Variants in SYT2 observed in about 807,000 individuals in gnomAD.
SYT2 encodes the protein synaptotagmin-2.
Under a neutral mutation model 39.9 loss-of-function variants are expected in SYT2, and 15 were observed. The observed-to-expected ratio is 0.38, with a 90% CI of 0.25 to 0.58. The LOEUF (loss-of-function observed/expected upper bound fraction) is 0.58, where lower values mean the gene tolerates loss of function less well. Ranked by LOEUF, SYT2 falls within the 20% of genes least tolerant of loss-of-function variation. The pLI is 0.70. For missense variants in SYT2, 389 were observed against 530.3 expected (o/e 0.73, Z 2.62); for synonymous variants, 181 against 204.5 (o/e 0.89, Z 0.98).
At position 202,601,792 on chromosome 1, in the gene SYT2, C is replaced by T; in HGVS notation, c.801+98G>A. The T allele has an allele frequency of 3.0e-6, 4 of 1,333,768 alleles. No homozygotes were observed. Among genetic ancestry groups the T allele is most frequent in the Non-Finnish European group, 4.2e-6 (4 of 958,396 alleles). The allele number at this position is 1,333,768 out of a possible 1,614,324, so 82.6% of individuals were successfully genotyped here. On this transcript the variant is annotated intron_variant, in intron 6 of 8. Coordinates refer to ENST00000367268, the MANE Select transcript of SYT2 (RefSeq NM_177402.5). The surrounding 1 kb of genome is among the most constrained non-coding windows in gnomAD (Gnocchi z 4.0). ...GAGCTGGGATCCTAACACAGGTCGT[C>T]TGCCTCCAAAGCCCACCCTGTTTCC... is the stretch of plus-strand genomic sequence containing the variant.
intron 1 of SYT2, among the ~76,000 whole-genome samples, chr1:202,629,083 C>T (rs1346889847): frequency 1.3e-5 from 2 of 152,362 alleles, no homozygotes; most frequent in Non-Finnish European, 1.5e-5. Flanking sequence ...GGGATGGCTC[C>T]AGTGGAGAGG....
chr1:202,593,545 T>C lies in SYT2; in HGVS notation c.*3212A>G, dbSNP rs932158092. 1.3e-5 allele frequency: 2 copies of C among 152,180 alleles called. No homozygotes were observed. The highest frequency in any genetic ancestry group is 2.9e-5 in the Non-Finnish European group (2 of 68,042). The allele number at this position is 152,180 out of a possible 1,614,324, so 9.4% of individuals were successfully genotyped here. A position where few individuals can be genotyped will look rare whatever the true frequency, so the allele number is the denominator to read the frequency against. ...TGGCCTAATCCCTGCTATCTCATCCTCTACTGAGGGACTCCAGGAAAGTCA... is the reference window on the plus strand; with the variant it reads ...TGGCCTAATCCCTGCTATCTCATCCCCTACTGAGGGACTCCAGGAAAGTCA... On this transcript the variant is annotated 3_prime_UTR_variant, in exon 9 of 9. Transcript: ENST00000367268.
intron 1 of SYT2, among the ~76,000 whole-genome samples, chr1:202,615,446 A>C (rs1449815847): frequency 6.6e-6 from 1 of 152,092 alleles, no homozygotes; most frequent in Non-Finnish European, 1.5e-5. Flanking sequence ...AGGTGTCTGC[A>C]AACTCATCAA....
At chr1:202,624,548 GGTGTGTGTGGTGTTTAGTA>G (rs1558435591) in intron 1 of SYT2, among the ~76,000 whole-genome samples, 2 of 125,740 alleles carry the variant, frequency 1.6e-5, no homozygotes, top group African/African-American at 3.8e-5. Context: ...GGATGTGTGT[GGTGTGTGTGGTGTTTAGTA>G]GTGTGTGTGG....
intron 2 of SYT2, 83 bp downstream of exon 2, chr1:202,605,510 TCA>T: frequency 7.6e-7 from 1 of 1,319,230 alleles, no homozygotes; most frequent in Non-Finnish European, 1.1e-6. Flanking sequence ...GCCCAGCCAA[TCA>T]CATCCCAGTG....
rs1690220173 is a variant in SYT2, at chr1:202,594,420, A to G, written c.*2337T>C. 6.6e-6 allele frequency: 1 copy of G among 152,234 alleles called. No individual in the cohort carries two copies. Among genetic ancestry groups the G allele is most frequent in the Non-Finnish European group, 1.5e-5 (1 of 68,044 alleles). 9.4% of individuals were successfully genotyped at this position (152,234 alleles called of 1,614,324 possible). A position where few individuals can be genotyped will look rare whatever the true frequency, so the allele number is the denominator to read the frequency against. ...GGAAAGGGCAAAGGAGTAAAGGTAG[A>G]GGGGATATTGACAAGGGGGTCTCCA... is the stretch of plus-strand genomic sequence containing the variant. On this transcript the variant is annotated 3_prime_UTR_variant, in exon 9 of 9. Coordinates refer to ENST00000367268, the MANE Select transcript of SYT2 (RefSeq NM_177402.5).
chr1:202,616,248 C>T (rs969802061), intron 1 of SYT2, among the ~76,000 whole-genome samples: 1 of 152,196 alleles, frequency 6.6e-6, no homozygotes, highest in Non-Finnish European at 1.5e-5. Context: ...ACAGACCTTT[C>T]CTCCTGACCC....
At position 202,596,442 on chromosome 1, in the gene SYT2, T is replaced by C. The variant is rs1030819650; in HGVS notation, c.*315A>G. On this transcript the variant is annotated 3_prime_UTR_variant, in exon 9 of 9. Coordinates refer to ENST00000367268, the MANE Select transcript of SYT2 (RefSeq NM_177402.5). Reference sequence around the variant, plus strand: ...AGGAACTGCTGCAAGTTTGTGCCAGTAGAGAGCCTCGCTTGGGGTGAGGCA... The same window carrying C: ...AGGAACTGCTGCAAGTTTGTGCCAGCAGAGAGCCTCGCTTGGGGTGAGGCA... The C allele has an allele frequency of 1.5e-5, 4 of 268,352 alleles. No homozygotes were observed. The Admixed American group carries it at 1.5e-4, about 10-fold the overall frequency. The allele number at this position is 268,352 out of a possible 1,614,324, so 16.6% of individuals were successfully genotyped here.
chr1:202,604,274 C>G (rs1690622247), intron 3 of SYT2, 181 bp downstream of exon 3: 2 of 644,456 alleles, frequency 3.1e-6, no homozygotes, highest in Non-Finnish European at 5.5e-6. Context: ...GAATAAGGCC[C>G]CCCCCTCCCA....
rs1403492571 is a variant in SYT2 at position 202,629,875 on chromosome 1, G to GT, written c.-17-24087_-17-24086insA. Among the ~76,000 whole-genome samples, 4 of 125,042 alleles carry GT rather than the reference G, an allele frequency of 3.2e-5. 1 individual carries two copies. Among genetic ancestry groups the GT allele is most frequent in the Admixed American group, 1.6e-4 (2 of 12,476 alleles). 82.0% of individuals were successfully genotyped at this position (125,042 alleles called of 152,430 possible). A position where few individuals can be genotyped will look rare whatever the true frequency, so the allele number is the denominator to read the frequency against. On this transcript the variant is annotated intron_variant, in intron 1 of 8. Coordinates refer to ENST00000367268, the MANE Select transcript of SYT2 (RefSeq NM_177402.5). ...ACCCAGCAGGCAGCTGGTGGGGGGGGGGGGGTGGTACGGCAGGTGTGTTGC... is the reference window on the plus strand; with the variant it reads ...ACCCAGCAGGCAGCTGGTGGGGGGGGTGGGGGTGGTACGGCAGGTGTGTTGC...
intron 1 of SYT2, among the ~76,000 whole-genome samples, chr1:202,692,140 A>G (rs1308294139): frequency 6.6e-6 from 1 of 151,978 alleles, no homozygotes; most frequent in Non-Finnish European, 1.5e-5. Context: ...ACTGCGACAG[A>G]GGGAGGGAGG....
At chr1:202,705,221 T>C (rs1405404152) in intron 1 of SYT2, among the ~76,000 whole-genome samples, 1 of 152,186 alleles carries the variant, frequency 6.6e-6, no homozygotes, top group South Asian at 2.1e-4. Flanking sequence ...TCTGGGGATT[T>C]TGAACCACAC....
At chr1:202,674,440 T>C (rs569295253) in intron 1 of SYT2, among the ~76,000 whole-genome samples, 2 of 152,338 alleles carry the variant, frequency 1.3e-5, no homozygotes, top group South Asian at 4.1e-4. Flanking sequence ...AGTGTTAGCA[T>C]GGTCCATCTG....
rs57002854 is a variant in SYT2 at position 202,616,808 on chromosome 1, C to T, written c.-17-11019G>A. On this transcript the variant is annotated intron_variant, in intron 1 of 8. Coordinates refer to ENST00000367268, the MANE Select transcript of SYT2 (RefSeq NM_177402.5). ...CCTTCTCAGCCATGGTGTCTCCCTG[C>T]GTGGTTCCTTCTGCACCCAGGCATC... is the stretch of plus-strand genomic sequence containing the variant. 1.2e-3 allele frequency among the ~76,000 whole-genome samples: 186 copies of T among 152,308 alleles called. 1 individual carries two copies. In the East Asian group the frequency reaches 0.031, roughly 25 times the overall value.
chr1:202,689,943 C>T (rs1282277908), intron 1 of SYT2, among the ~76,000 whole-genome samples: 1 of 151,942 alleles, frequency 6.6e-6, no homozygotes, highest in African/African-American at 2.4e-5. Flanking sequence ...AGTCCTACAC[C>T]TACCAGGAGG....
intron 1 of SYT2, among the ~76,000 whole-genome samples, chr1:202,708,115 C>G (rs989001740): frequency 2.0e-5 from 3 of 152,208 alleles, no homozygotes; most frequent in African/African-American, 7.2e-5. Context: ...CAGTTGCAAG[C>G]TTCTCTAGGT....
intron 1 of SYT2, among the ~76,000 whole-genome samples, chr1:202,641,747 T>C (rs922133182): frequency 2.0e-5 from 3 of 152,166 alleles, no homozygotes; most frequent in Admixed American, 1.3e-4. Context: ...TGTCTGGAGG[T>C]AGAGAGCAGA....
intron 1 of SYT2, among the ~76,000 whole-genome samples, chr1:202,668,232 C>T (rs1291667810): frequency 1.3e-5 from 2 of 152,292 alleles, no homozygotes; most frequent in African/African-American, 4.8e-5. Context: ...GTGCGCTCAT[C>T]CACATCTGTT....
rs1690960811 is a variant in SYT2 at position 202,614,046 on chromosome 1, C to G, written c.-17-8257G>C. 6.6e-6 allele frequency among the ~76,000 whole-genome samples: 1 copy of G among 152,154 alleles called. No homozygotes were observed. Among genetic ancestry groups the G allele is most frequent in the African/African-American group, 2.4e-5 (1 of 41,422 alleles). Reference sequence around the variant, plus strand: ...TGTTCATTGAACCTTATCTGAGGCACCTGGAAGTGGCCCTGGCACCGTAGA... The same window carrying G: ...TGTTCATTGAACCTTATCTGAGGCAGCTGGAAGTGGCCCTGGCACCGTAGA... On this transcript the variant is annotated intron_variant, in intron 1 of 8. Coordinates refer to ENST00000367268, the MANE Select transcript of SYT2 (RefSeq NM_177402.5). This position sits in a 1 kb window ranked among gnomAD's most constrained non-coding sequence, Gnocchi z 4.0.
Sources: allele counts gnomAD v4.1 joint callset (sites outside exome capture counted in the v4.1 genomes callset), GRCh38; gene constraint gnomAD v4.1.1; non-coding constraint Gnocchi (gnomAD v3.1); transcripts MANE v1.5; gene names NCBI Gene and HGNC (gene_info 2026-07-23, HGNC 2026-07-21).